MGAT5: variants seen among roughly 807,000 people sequenced by gnomAD.
MGAT5 encodes the protein alpha-1,6-mannosylglycoprotein 6-beta-N-acetylglucosaminyltransferase A.
A neutral mutation model predicts 94.3 loss-of-function variants in MGAT5; 30 were observed. The observed-to-expected ratio is 0.32, with a 90% confidence interval of 0.24 to 0.43. MGAT5 has a LOEUF of 0.43. Ranked by LOEUF, MGAT5 falls within the 20% of genes least tolerant of loss-of-function variation. MGAT5 has a pLI of 1.00. For missense variants in MGAT5, 691 were observed against 905.5 expected (o/e 0.76, Z 3.04); for synonymous variants, 310 against 322.9 (o/e 0.96, Z 0.43).
intron 2 of MGAT5, among the ~76,000 whole-genome samples, chr2:134,317,019 T>C (rs1345044678): frequency 2.6e-5 from 4 of 152,144 alleles, no homozygotes; most frequent in African/African-American, 9.7e-5. Context: ...AGGAGTTCCT[T>C]AGGATGGTGT....
At chr2:134,313,530 T>A (rs1462458453) in intron 2 of MGAT5, among the ~76,000 whole-genome samples, 1 of 152,106 alleles carries the variant, frequency 6.6e-6, no homozygotes, top group African/African-American at 2.4e-5. Context: ...GGTGTAAGGG[T>A]AACGGATTAA....
intron 11 of MGAT5, among the ~76,000 whole-genome samples, chr2:134,407,562 A>T (rs1443744386): frequency 1.3e-5 from 2 of 152,200 alleles, no homozygotes; most frequent in Non-Finnish European, 2.9e-5. Flanking sequence ...CCAGTCTCAT[A>T]GTATTTATTC....
chr2:134,399,928 G>A (rs1405814310), intron 10 of MGAT5, among the ~76,000 whole-genome samples: 2 of 152,158 alleles, frequency 1.3e-5, no homozygotes, highest in African/African-American at 4.8e-5. Flanking sequence ...GGCAGACAAA[G>A]ACACCTTTAA....
chr2:134,203,699 G>T (rs930532182), intron 1 of MGAT5, among the ~76,000 whole-genome samples: 5 of 152,166 alleles, frequency 3.3e-5, no homozygotes, highest in Middle Eastern at 3.4e-3. Context: ...CCAAGACTGG[G>T]TTTAGTAGAC....
At chr2:134,356,799 A>G (rs1679773332) in intron 9 of MGAT5, among the ~76,000 whole-genome samples, 1 of 152,066 alleles carries the variant, frequency 6.6e-6, no homozygotes, top group Non-Finnish European at 1.5e-5. Context: ...TGGTTGTCCC[A>G]TCTCCTGGAA....
chr2:134,323,840 A>G (rs913588500), intron 4 of MGAT5, among the ~76,000 whole-genome samples: 2 of 152,138 alleles, frequency 1.3e-5, no homozygotes, highest in African/African-American at 4.8e-5. Context: ...GGAATGAGCA[A>G]ATGATTCATT....
chr2:134,274,771 C>T lies in MGAT5; in HGVS notation c.406+4221C>T, dbSNP rs1684250315. 1.3e-5 allele frequency among the ~76,000 whole-genome samples: 2 copies of T among 152,190 alleles called. 1 individual carries two copies. Among genetic ancestry groups the T allele is most frequent in the South Asian group, 4.1e-4 (2 of 4,826 alleles). On this transcript the variant is annotated intron_variant, in intron 2 of 15. Transcript: ENST00000281923. ...CACAAAATCAAAGGTACAGGTATAA[C>T]TCAAGCGACAGTTTCCTGGTATTTA...
intron 10 of MGAT5, among the ~76,000 whole-genome samples, chr2:134,384,105 G>C (rs1446570906): frequency 1.3e-5 from 2 of 151,664 alleles, no homozygotes; most frequent in Non-Finnish European, 2.9e-5. Context: ...CACATCTAAG[G>C]TCATTTGTTT....
At chr2:134,239,364 G>C (rs933849861) in intron 1 of MGAT5, among the ~76,000 whole-genome samples, 6 of 152,162 alleles carry the variant, frequency 3.9e-5, no homozygotes, top group African/African-American at 1.4e-4. Context: ...TTTTGGGGCT[G>C]TCACCTTTGT....
chr2:134,164,437 G>A (rs1390837834), intron 1 of MGAT5, among the ~76,000 whole-genome samples: 2 of 152,140 alleles, frequency 1.3e-5, no homozygotes, highest in Admixed American at 6.5e-5. Context: ...AATTGTAGAG[G>A]TTAACCTCTC....
chr2:134,370,613 TGGAGATGGTGAGCCCCCAGG>T (rs1680726241), intron 10 of MGAT5, among the ~76,000 whole-genome samples: 1 of 152,242 alleles, frequency 6.6e-6, no homozygotes, highest in Non-Finnish European at 1.5e-5. Flanking sequence ...TAGGCATCAG[TGGAGATGGTGAGCCCCCAGG>T]GGCAGCCACT....
intron 2 of MGAT5, among the ~76,000 whole-genome samples, chr2:134,299,375 AC>A (rs1170503791): frequency 6.6e-6 from 1 of 152,204 alleles, no homozygotes; most frequent in African/African-American, 2.4e-5. Context: ...CCCTGGAAGT[AC>A]CTGTGCGAGC....
In MGAT5 at chr2:134,318,725, A is replaced by G. The variant is rs762542938; in HGVS notation, c.559A>G (p.Ile187Val). The G allele has an allele frequency of 2.5e-6, 4 of 1,612,658 alleles. No individual in the cohort carries two copies. The highest frequency in any genetic ancestry group is 1.1e-5 in the South Asian group (1 of 91,050). ...GGATGGATCCACCTGCTCTTTTTTT[A>G]TTTACCTCAGTGAGGTGAGTAGCTT... ...GVDGSTCSFFIYLSEVENWCP... is the reference protein window; with the variant it reads ...GVDGSTCSFFVYLSEVENWCP... Residue 187 changes from isoleucine (I) to valine (V), a missense_variant, in exon 4 of 16, where the codon ATT becomes GTT. By Grantham distance (29) the Ile-to-Val change is conservative. Coordinates refer to ENST00000281923, the MANE Select transcript of MGAT5 (RefSeq NM_002410.5).
chr2:134,448,824 G>A lies in MGAT5; in HGVS notation c.2203G>A (p.Ala735Thr), dbSNP rs1487021743. 1 of 1,613,610 alleles carries A rather than the reference G, an allele frequency of 6.2e-7. No homozygotes were observed. The highest frequency in any genetic ancestry group is 1.1e-5 in the South Asian group (1 of 91,056). ...CCGGGACTTCATCAAGGGCCAGGTG[G>A]CTCTCTGCAAAGACTGCCTATAGCA... ...PCRDFIKGQV[A>T]LCKDCL is the part of the protein sequence containing the mutation. Residue 735 changes from alanine to threonine, a missense_variant, in exon 16 of 16, where the codon GCT (alanine) becomes ACT (threonine). Transcript: ENST00000281923.
At chr2:134,439,636 G>T (rs117122538) in intron 14 of MGAT5, among the ~76,000 whole-genome samples, 3,552 of 152,274 alleles carry the variant, frequency 0.023, 84 homozygotes, top group East Asian at 0.15. Context: ...GGCGGAGGTA[G>T]CAGGGAACCG....
chr2:134,310,970 G>A (rs943421002), intron 2 of MGAT5, among the ~76,000 whole-genome samples: 1 of 152,208 alleles, frequency 6.6e-6, no homozygotes, highest in African/African-American at 2.4e-5. Context: ...CTTTGCAGGG[G>A]CCATCTGATA....
chr2:134,336,538 G>A (rs574598465), intron 5 of MGAT5, among the ~76,000 whole-genome samples: 48 of 152,216 alleles, frequency 3.2e-4, no homozygotes, highest in African/African-American at 1.1e-3. Context: ...GGTACGAGCT[G>A]TGGAGGCCCT....
rs1326554131 is a variant in MGAT5 at position 134,356,828 on chromosome 2, C to T, written c.1247-5447C>T. 4.6e-5 allele frequency among the ~76,000 whole-genome samples: 7 copies of T among 152,212 alleles called. No homozygotes were observed. In the South Asian group the frequency reaches 1.5e-3, roughly 32 times the overall value. ...CCTGGAACATTCTTCTTTTAGACTT[C>T]CCCATCTCCTCCTTCAGGTTTTTAA... On this transcript the variant is annotated intron_variant, in intron 9 of 15. Coordinates refer to ENST00000281923, the MANE Select transcript of MGAT5 (RefSeq NM_002410.5).
intron 1 of MGAT5, among the ~76,000 whole-genome samples, chr2:134,182,312 A>G (rs1032840087): frequency 4.6e-5 from 7 of 152,152 alleles, no homozygotes; most frequent in African/African-American, 1.7e-4. Flanking sequence ...GATGGTTGAG[A>G]TCTTTAAGAG....
Sources: gnomAD v4.1 joint callset for allele counts (sites outside exome capture counted in the v4.1 genomes callset) on GRCh38, gnomAD v4.1.1 for gene constraint, MANE v1.5 for transcripts, NCBI Gene and HGNC (gene_info 2026-07-23, HGNC 2026-07-21) for gene names.